The following TEX36 variants were observed in gnomAD, a reference collection of about 807,000 sequenced individuals.
TEX36 encodes testis-expressed protein 36.
A neutral mutation model predicts 13.6 loss-of-function variants in TEX36; 12 were observed. The observed-to-expected ratio is 0.88, with a 90% CI of 0.56 to 1.43. The LOEUF (loss-of-function observed/expected upper bound fraction) is 1.43. Ranked by LOEUF, TEX36 falls within the 40% of genes most tolerant of loss-of-function variation. The pLI is 0.00. For synonymous variants in TEX36, 93 were observed against 83.0 expected, an observed-to-expected ratio of 1.12 and a Z score of -0.65; for missense variants, 224 against 228.3, an observed-to-expected ratio of 0.98 and a Z score of 0.12.
At chr10:125,630,744 G>A (rs574036344) in intron 3 of TEX36, among the ~76,000 whole-genome samples, 265 of 152,260 alleles carry the variant, frequency 1.7e-3, no homozygotes, top group African/African-American at 5.9e-3. Context: ...ATCCAACTGC[G>A]AGCCAGTGTG....
chr10:125,631,508 A>G (rs985403135), intron 3 of TEX36, among the ~76,000 whole-genome samples: 2 of 152,192 alleles, frequency 1.3e-5, no homozygotes, highest in Non-Finnish European at 2.9e-5. Context: ...GGCAGGAATG[A>G]TCAACTATAG....
Position 125,656,154 on chromosome 10 carries a change from C to T in TEX36, c.307G>A (p.Val103Ile), listed in dbSNP as rs554781535. The T allele has an allele frequency of 3.9e-6, 6 of 1,537,930 alleles. No homozygotes were observed. In the South Asian group the frequency reaches 6.0e-5, roughly 15 times the overall value. The change falls in exon 4 of 4, where the codon GTT (valine) becomes ATT (isoleucine). Residue 103 changes from valine to isoleucine, a missense_variant. By Grantham distance (29) the Val-to-Ile change is conservative. Coordinates refer to ENST00000368821, the MANE Select transcript of TEX36 (RefSeq NM_001128202.3). ...KKISPDKRQH[V>I]SRNFNLWACD... Reference sequence around the variant, plus strand: ...GCCCAGAGATTAAAATTTCTTGAAACATGTTGCCTCTTATCTGGAGAGATC... The same window carrying T: ...GCCCAGAGATTAAAATTTCTTGAAATATGTTGCCTCTTATCTGGAGAGATC...
At chr10:125,665,957 A>G (rs905957755) in intron 1 of TEX36, among the ~76,000 whole-genome samples, 1 of 152,134 alleles carries the variant, frequency 6.6e-6, no homozygotes, top group Non-Finnish European at 1.5e-5. Flanking sequence ...TGTAGCTATT[A>G]TAAATGAAAT....
downstream of TEX36, among the ~76,000 whole-genome samples, chr10:125,654,003 A>T (rs145346670): frequency 1.5e-3 from 227 of 151,970 alleles, 3 homozygotes; most frequent in African/African-American, 5.1e-3. Flanking sequence ...GAGGATATAT[A>T]CTCTCTGTAA....
At chr10:125,600,795 T>TAGCCCTACATGCTA in intron 3 of TEX36, among the ~76,000 whole-genome samples, 2 of 152,194 alleles carry the variant, frequency 1.3e-5, no homozygotes, top group African/African-American at 4.8e-5. Flanking sequence ...TCTTGGCATC[T>TAGCCCTACATGCTA]CATTAGTGTT....
Position 125,626,315 on chromosome 10 carries a change from C to G in TEX36, c.265-4670G>C, listed in dbSNP as rs1846489429. On this transcript the variant is annotated intron_variant, in intron 3 of 3. Coordinates refer to the TEX36 transcript ENST00000526819. ...TCCCCATTCAGCCTTCCTGCCTTCA[C>G]TTTCCACAGAGGGTGCTGAGTGCCC... Among the ~76,000 whole-genome samples the G allele has an allele frequency of 2.0e-5, 3 of 152,200 alleles. No individual in the cohort carries two copies. In the South Asian group the frequency reaches 6.2e-4, roughly 32 times the overall value.
chr10:125,647,883 C>T (rs1007144933), intron 3 of TEX36, among the ~76,000 whole-genome samples: 10 of 152,188 alleles, frequency 6.6e-5, no homozygotes, highest in African/African-American at 9.7e-5. Flanking sequence ...GAGGGTCCCA[C>T]GCCCACAGAG....
intron 3 of TEX36, among the ~76,000 whole-genome samples, chr10:125,592,220 G>A (rs1846029033): frequency 1.3e-5 from 2 of 152,048 alleles, no homozygotes; most frequent in African/African-American, 4.8e-5. Context: ...AAAACCTTCG[G>A]TAAAGACAGC....
chr10:125,676,962 G>C (rs1847322924), intron 1 of TEX36, among the ~76,000 whole-genome samples: 1 of 152,184 alleles, frequency 6.6e-6, no homozygotes, highest in African/African-American at 2.4e-5. Context: ...GTAAAGGAGA[G>C]CTTTGCTAGA....
chr10:125,669,289 C>CA (rs1356098076), intron 1 of TEX36, among the ~76,000 whole-genome samples: 8 of 150,812 alleles, frequency 5.3e-5, no homozygotes, highest in East Asian at 3.9e-4. Flanking sequence ...GACTCCATCT[C>CA]AAAAAAAATA....
intron 1 of TEX36, among the ~76,000 whole-genome samples, chr10:125,677,013 G>A (rs1015228271): frequency 6.6e-6 from 1 of 152,176 alleles, no homozygotes; most frequent in Admixed American, 6.5e-5. Context: ...TCAGCATTTT[G>A]AATATATCAT....
chr10:125,628,994 G>A (rs746750932), intron 3 of TEX36, among the ~76,000 whole-genome samples: 2 of 152,188 alleles, frequency 1.3e-5, no homozygotes, highest in African/African-American at 2.4e-5. Flanking sequence ...CATTTGACAG[G>A]CGAGAAAGCT....
chr10:125,655,095 C>A (rs142910999), downstream of TEX36, among the ~76,000 whole-genome samples: 7 of 152,260 alleles, frequency 4.6e-5, no homozygotes, highest in East Asian at 9.7e-4. Flanking sequence ...TTTAAAAAAT[C>A]AGTCTATTCT....
intron 3 of TEX36, among the ~76,000 whole-genome samples, chr10:125,608,955 T>G: frequency 8.3e-6 from 1 of 121,186 alleles, no homozygotes; most frequent in Admixed American, 1.0e-4. Context: ...GCCAACATGG[T>G]GAAACCCCAC....
At chr10:125,667,941 G>A (rs1847150790) in intron 1 of TEX36, 10 of 1,076,200 alleles carry the variant, frequency 9.3e-6, no homozygotes, top group South Asian at 8.8e-5. Context: ...GCTGGATATC[G>A]GTAGGGCATG....
chr10:125,623,836 G>A (rs1232358638), intron 3 of TEX36, among the ~76,000 whole-genome samples: 2 of 152,242 alleles, frequency 1.3e-5, no homozygotes, highest in African/African-American at 4.8e-5. Flanking sequence ...TTGAATGGCT[G>A]TCTATGCAGT....
rs142014679 is a variant in TEX36 at position 125,603,418 on chromosome 10, G to T, written c.265-26544C>A. On this transcript the variant is annotated intron_variant, in intron 3 of 3. Transcript: ENST00000532135. ...CTCTTAGTGGTCCCCCATCTGCTCC[G>T]CCCGTTGCCTGAGCCCATTTCCCCC... Among the ~76,000 whole-genome samples, 285 of 151,348 alleles carry T rather than the reference G, an allele frequency of 1.9e-3. 1 individual carries two copies. Among genetic ancestry groups the T allele is most frequent in the African/African-American group, 6.7e-3 (276 of 41,196 alleles).
At chr10:125,655,359 C>T (rs9422781), downstream of TEX36, among the ~76,000 whole-genome samples, 1,944 of 152,230 alleles carry the variant, frequency 0.013, 40 homozygotes, top group African/African-American at 0.043. Context: ...GCAGGAGAAT[C>T]GCTTGAACCC....
intron 3 of TEX36, among the ~76,000 whole-genome samples, chr10:125,603,157 G>A (rs1846170574): frequency 6.6e-6 from 1 of 152,218 alleles, no homozygotes; most frequent in South Asian, 2.1e-4. Flanking sequence ...CCTGTCCTAA[G>A]AGTCCCATTT....
Sources: allele counts gnomAD v4.1 joint callset (sites outside exome capture counted in the v4.1 genomes callset), GRCh38; gene constraint gnomAD v4.1.1; transcripts MANE v1.5; gene names NCBI Gene and HGNC (gene_info 2026-07-23, HGNC 2026-07-21).